ZSCAN30: variants seen among roughly 807,000 people sequenced by gnomAD.
ZSCAN30 encodes the protein zinc finger and SCAN domain-containing protein 30.
ZSCAN30 carries 37 observed loss-of-function variants against 44.3 expected under a neutral mutation model. That is an observed-to-expected ratio of 0.84 (90% CI 0.64 to 1.10). The LOEUF (loss-of-function observed/expected upper bound fraction) is 1.10, where lower values mean the gene tolerates loss of function less well. ZSCAN30 is among the 50% of genes least tolerant of loss of function. The pLI, the probability that ZSCAN30 is intolerant of heterozygous loss-of-function variation, is 0.00. For synonymous variants in ZSCAN30, 181 were observed against 204.6 expected (o/e 0.88, Z 0.98); for missense variants, 549 against 582.6 (o/e 0.94, Z 0.59).
intron 3 of ZSCAN30, among the ~76,000 whole-genome samples, chr18:35,256,622 A>T (rs903005576): frequency 3.3e-5 from 5 of 152,300 alleles, no homozygotes; most frequent in African/African-American, 1.2e-4. Flanking sequence ...AGAGAACCCA[A>T]TTACTATCTC....
At chr18:35,279,658 A>T (rs2044421354) in intron 1 of ZSCAN30, among the ~76,000 whole-genome samples, 1 of 152,228 alleles carries the variant, frequency 6.6e-6, no homozygotes, top group African/African-American at 2.4e-5. Flanking sequence ...CCTGGTTCAT[A>T]GAAGCCATCT....
rs142528744 is a variant in ZSCAN30 at position 35,271,153 on chromosome 18, T to C, written c.-103-6698A>G. Among the ~76,000 whole-genome samples, 870 of 152,276 alleles carry C rather than the reference T, an allele frequency of 5.7e-3. 12 individuals are homozygous for C. The highest frequency in any genetic ancestry group is 9.3e-3 in the Admixed American group (143 of 15,300). ...AAAAGCAAAAAAACCCTCCGCACTG[T>C]GGAAAAGGACCCCACCAGGTTCCTG... On this transcript the variant is annotated intron_variant, in intron 1 of 3. Transcript: ENST00000333206.
intron 1 of ZSCAN30, among the ~76,000 whole-genome samples, chr18:35,280,170 GA>G (rs1385552370): frequency 2.0e-5 from 3 of 151,840 alleles, no homozygotes; most frequent in African/African-American, 4.8e-5. Flanking sequence ...CAGCCACTTA[GA>G]AGGTTGAGGT....
chr18:35,282,325 G>A (rs912192215), intron 1 of ZSCAN30: 1 of 152,288 alleles, frequency 6.6e-6, no homozygotes, highest in South Asian at 2.1e-4. Flanking sequence ...CATGTTAATA[G>A]TTATGTGATA....
chr18:35,283,202 G>A (rs1019225555), intron 1 of ZSCAN30: 7 of 151,526 alleles, frequency 4.6e-5, no homozygotes, highest in African/African-American at 1.7e-4. Flanking sequence ...GGTCAACATG[G>A]TGAGACCCCG....
intron 1 of ZSCAN30, among the ~76,000 whole-genome samples, chr18:35,287,115 T>C: frequency 6.6e-6 from 1 of 152,314 alleles, no homozygotes; most frequent in East Asian, 1.9e-4. Flanking sequence ...ATGAAAGATC[T>C]GTAAAATATT....
chr18:35,258,334 A>C (rs1306171525), intron 3 of ZSCAN30: 1 of 211,982 alleles, frequency 4.7e-6, no homozygotes, highest in African/African-American at 2.3e-5. Context: ...ATGGTGACTG[A>C]GTCAACAACA....
At position 35,264,006 on chromosome 18, in the gene ZSCAN30, C is replaced by G; in HGVS notation, c.347G>C (p.Gly116Ala). Reference sequence around the variant, plus strand: ...CTCCAGCATAGTCACAGCTTCCTCTCCATTCTCTGGCCGATGCTCTCGCAG... The same window carrying G: ...CTCCAGCATAGTCACAGCTTCCTCTGCATTCTCTGGCCGATGCTCTCGCAG... ...AWLREHRPEN[G>A]EEAVTMLEEL... Residue 116 changes from glycine (G) to alanine (A), a missense_variant, in exon 2 of 4, where the codon GGA becomes GCA. Gly to Ala is a moderately conservative substitution (Grantham distance 60). Transcript: ENST00000333206. 2 of 1,614,242 alleles carry G rather than the reference C, an allele frequency of 1.2e-6. No homozygotes were observed.
chr18:35,286,925 T>G (rs552667163), intron 1 of ZSCAN30, among the ~76,000 whole-genome samples: 1 of 152,238 alleles, frequency 6.6e-6, no homozygotes, highest in South Asian at 2.1e-4. Context: ...TCTGATAGAA[T>G]CTACAAAAAC....
At chr18:35,272,960 C>T (rs1054269887) in intron 1 of ZSCAN30, among the ~76,000 whole-genome samples, 3 of 152,224 alleles carry the variant, frequency 2.0e-5, no homozygotes, top group Admixed American at 6.5e-5. Context: ...TCCACGAGAA[C>T]AGTATGAGGG....
At chr18:35,271,644 G>A (rs1057255526) in intron 1 of ZSCAN30, among the ~76,000 whole-genome samples, 15 of 152,248 alleles carry the variant, frequency 9.9e-5, no homozygotes, top group South Asian at 6.2e-4. Context: ...GTCCTGCACC[G>A]CGTGCCTGCA....
At chr18:35,270,711 G>A (rs1194587607) in intron 1 of ZSCAN30, among the ~76,000 whole-genome samples, 3 of 152,168 alleles carry the variant, frequency 2.0e-5, no homozygotes, top group African/African-American at 7.2e-5. Context: ...CTCGCAAGTA[G>A]CTGGGATTAC....
chr18:35,273,590 C>G (rs1048720243), intron 1 of ZSCAN30, among the ~76,000 whole-genome samples: 1 of 152,124 alleles, frequency 6.6e-6, no homozygotes, highest in African/African-American at 2.4e-5. Context: ...ATCCGGTTTT[C>G]CCAGTATCAT....
At chr18:35,261,336 CTCTT>C (rs2044025249) in intron 3 of ZSCAN30, 1 of 152,164 alleles carries the variant, frequency 6.6e-6, no homozygotes, top group East Asian at 1.9e-4. Context: ...GCTATAAGGG[CTCTT>C]TTTTTTGTAC....
At position 35,254,093 on chromosome 18, in the gene ZSCAN30, C is replaced by T. The variant is rs368139268; in HGVS notation, c.842G>A (p.Ser281Asn). Residue 281 changes from serine (S) to asparagine (N), a missense_variant, in exon 4 of 4, where the codon AGT becomes AAT. Transcript: ENST00000333206. ...AATATCATTTGAATTCATACTGAAA[C>T]TTCCTTCACTCTCATGAGATTCAAG... ...SVLESHESEG[S>N]FSMNSNDITQ... 2 of 1,614,012 alleles carry T rather than the reference C, an allele frequency of 1.2e-6. No homozygotes were observed. The highest frequency in any genetic ancestry group is 4.5e-5 in the East Asian group (2 of 44,896).
At chr18:35,260,934 G>A (rs1275395944) in intron 3 of ZSCAN30, 1 of 152,116 alleles carries the variant, frequency 6.6e-6, no homozygotes, top group Non-Finnish European at 1.5e-5. Flanking sequence ...CCATGCCTAT[G>A]TCCTGAATGG....
At chr18:35,285,254 A>G (rs970657690) in intron 1 of ZSCAN30, 1 of 143,302 alleles carries the variant, frequency 7.0e-6, no homozygotes, top group Non-Finnish European at 1.5e-5. Context: ...AATACATAAA[A>G]TTAAAACTGA....
At chr18:35,273,583 C>A (rs568817269) in intron 1 of ZSCAN30, among the ~76,000 whole-genome samples, 1 of 152,072 alleles carries the variant, frequency 6.6e-6, no homozygotes, top group Admixed American at 6.6e-5. Flanking sequence ...TGTATGTATC[C>A]GGTTTTCCCA....
Position 35,253,528 on chromosome 18 carries a change from A to G in ZSCAN30, c.1407T>C (p.Tyr469=), listed in dbSNP as rs773925383. The G allele has an allele frequency of 6.2e-6, 10 of 1,613,596 alleles. No individual in the cohort carries two copies. The highest frequency in any genetic ancestry group is 4.5e-5 in the East Asian group (2 of 44,864). The change falls in exon 4 of 4, where the codon TAT becomes TAC. Residue 469 remains tyrosine (Y), a synonymous_variant. Transcript: ENST00000333206. ...HQRIHTGEKP[Y]ECSECRKTFR... ...ATGTTTTTCTACATTCACTACATTC[A>G]TAAGGCTTCTCTCCAGTGTGAATTC... is the stretch of plus-strand genomic sequence containing the variant.
Sources: gnomAD v4.1 joint callset for allele counts (sites outside exome capture counted in the v4.1 genomes callset) on GRCh38, gnomAD v4.1.1 for gene constraint, MANE v1.5 for transcripts, NCBI Gene and HGNC (gene_info 2026-07-23, HGNC 2026-07-21) for gene names.